The following GFM1 variants were observed in gnomAD, a reference collection of about 807,000 sequenced individuals.
GFM1 encodes the protein G elongation factor mitochondrial 1.
Under a neutral mutation model 96.2 loss-of-function variants are expected in GFM1, and 62 were observed. The observed-to-expected ratio is 0.64, with a 90% CI of 0.53 to 0.80. The LOEUF (loss-of-function observed/expected upper bound fraction) is 0.80, where lower values mean the gene tolerates loss of function less well. Ranked by LOEUF, GFM1 falls within the 30% of genes least tolerant of loss-of-function variation. GFM1 has a pLI of 0.00. For synonymous variants in GFM1, 282 were observed against 312.9 expected, an observed-to-expected ratio of 0.90 and a Z score of 1.04; for missense variants, 852 against 916.6, an observed-to-expected ratio of 0.93 and a Z score of 0.91.
Position 158,645,715 on chromosome 3 carries a change from T to C in GFM1, c.168T>C (p.Asp56=), listed in dbSNP as rs768555221. Residue 56 remains aspartate (D), a synonymous_variant, in exon 2 of 18, where the codon GAT becomes GAC. Transcript: ENST00000486715. ...IRNIGISAHI[D]SGKTTLTERV... is the part of the protein sequence containing the mutation. Reference sequence around the variant, plus strand: ...ATATTGGAATCTCAGCTCACATTGATTCTGGGAAAACTACATTAACAGAAC... The same window carrying C: ...ATATTGGAATCTCAGCTCACATTGACTCTGGGAAAACTACATTAACAGAAC... The C allele has an allele frequency of 6.8e-6, 11 of 1,612,318 alleles. No homozygotes were observed. Among genetic ancestry groups the C allele is most frequent in the East Asian group, 2.2e-5 (1 of 44,886 alleles).
intron 13 of GFM1, chr3:158,667,018 T>C (rs1723760524): frequency 6.3e-7 from 1 of 1,596,748 alleles, no homozygotes; most frequent in Non-Finnish European, 8.5e-7. Flanking sequence ...TTACCTGAGA[T>C]GCTATATTAT....
intron 8 of GFM1, among the ~76,000 whole-genome samples, chr3:158,655,138 C>T (rs952467587): frequency 2.0e-5 from 3 of 152,048 alleles, no homozygotes; most frequent in Non-Finnish European, 4.4e-5. Context: ...CCTTATAAAA[C>T]CAAAATCTCG....
chr3:158,670,974 C>A, intron 13 of GFM1: 1 of 1,540,196 alleles, frequency 6.5e-7, no homozygotes, highest in Non-Finnish European at 8.7e-7. Context: ...ATAATTTCTT[C>A]AACAGCAAAT....
chr3:158,654,754 G>A (rs563390341), intron 8 of GFM1, 123 bp downstream of exon 8: 1 of 722,320 alleles, frequency 1.4e-6, no homozygotes, highest in East Asian at 2.6e-5. Flanking sequence ...AGTAGAAAGA[G>A]CAGGTAGAGA....
At chr3:158,649,969 A>C in intron 5 of GFM1, 5 of 1,503,276 alleles carry the variant, frequency 3.3e-6, no homozygotes, top group Non-Finnish European at 4.5e-6. Flanking sequence ...CTTTGTTCTG[A>C]GGAGTGACCT....
rs1332636394 is a variant in GFM1, at chr3:158,659,024, C to T, written c.1186C>T (p.Gln396Ter). 2 of 1,614,180 alleles carry T rather than the reference C, an allele frequency of 1.2e-6. No homozygotes were observed. Among genetic ancestry groups the T allele is most frequent in the Non-Finnish European group, 8.5e-7 (1 of 1,180,030 alleles). Residue 396 changes from glutamine to a stop codon, truncating the protein, a stop_gained, in exon 9 of 18, where the codon CAA becomes TAA. Coordinates refer to ENST00000486715, the MANE Select transcript of GFM1 (RefSeq NM_024996.7). LOFTEE classifies it high-confidence loss of function. The part of the protein sequence containing the change: ...NTRTRKKVRL[Q>*]RLARMHADMM... Reference sequence around the variant, plus strand: ...AAGGACAAGAAAGAAAGTACGGTTGCAACGGCTGGCTCGCATGCATGCCGA... The same window carrying T: ...AAGGACAAGAAAGAAAGTACGGTTGTAACGGCTGGCTCGCATGCATGCCGA...
chr3:158,650,795 G>A (rs550544771), intron 5 of GFM1: 1 of 152,186 alleles, frequency 6.6e-6, no homozygotes, highest in African/African-American at 2.4e-5. Flanking sequence ...GGCCGAGGTG[G>A]GCAGATCACG....
rs371710190 is a variant in GFM1 at position 158,672,733 on chromosome 3, C to T, written c.1601+6347C>T. The T allele has an allele frequency of 3.1e-5, 12 of 389,330 alleles. 1 individual carries two copies. The highest frequency in any genetic ancestry group is 2.1e-4 in the East Asian group (4 of 18,658). The allele number at this position is 389,330 out of a possible 1,614,324, so 24.1% of individuals were successfully genotyped here. On this transcript the variant is annotated intron_variant, in intron 13 of 17. Coordinates refer to ENST00000486715, the MANE Select transcript of GFM1 (RefSeq NM_024996.7). ...CTACTGCCTGCAGCGGGCTTCCTTA[C>T]TCCGCCTGCTGGTTCCTACTGGAGG... is the stretch of plus-strand genomic sequence containing the variant.
rs537062213 is a variant in GFM1 at position 158,688,849 on chromosome 3, G to T, written c.1910-1314G>T. 2.0e-5 allele frequency among the ~76,000 whole-genome samples: 3 copies of T among 152,230 alleles called. No individual in the cohort carries two copies. In the East Asian group the frequency reaches 5.8e-4, roughly 29 times the overall value. On this transcript the variant is annotated intron_variant, in intron 15 of 17. Coordinates refer to ENST00000486715, the MANE Select transcript of GFM1 (RefSeq NM_024996.7). Reference sequence around the variant, plus strand: ...GGAGGGTAGGTGTGAGCTAGGATATGATTTAAATTTAAAATATTTCTAATT... The same window carrying T: ...GGAGGGTAGGTGTGAGCTAGGATATTATTTAAATTTAAAATATTTCTAATT...
At chr3:158,687,929 C>CT (rs910108028) in intron 15 of GFM1, among the ~76,000 whole-genome samples, 11 of 151,120 alleles carry the variant, frequency 7.3e-5, no homozygotes, top group Middle Eastern at 3.4e-3. Context: ...AGAAAATCAA[C>CT]TTTTTTTTTA....
intron 13 of GFM1, among the ~76,000 whole-genome samples, chr3:158,667,756 C>G (rs1723853803): frequency 6.6e-6 from 1 of 152,178 alleles, no homozygotes. Context: ...CTAATGCACT[C>G]CAGCCTGGGC....
intron 16 of GFM1, among the ~76,000 whole-genome samples, chr3:158,690,744 T>C (rs1311159197): frequency 6.6e-6 from 1 of 152,240 alleles, no homozygotes; most frequent in Non-Finnish European, 1.5e-5. Context: ...TTTATTACAT[T>C]TCATAAGGCC....
chr3:158,678,149 C>T (rs549010674), intron 13 of GFM1, among the ~76,000 whole-genome samples: 2 of 152,270 alleles, frequency 1.3e-5, no homozygotes, highest in African/African-American at 4.8e-5. Flanking sequence ...AAGATTACTG[C>T]TCATTGACAA....
At chr3:158,656,063 C>T in intron 8 of GFM1, 1 of 371,782 alleles carries the variant, frequency 2.7e-6, no homozygotes, top group Non-Finnish European at 5.3e-6. Context: ...TTTAGGAGGA[C>T]TGCCATCGAG....
Position 158,684,592 on chromosome 3 carries a change from G to C in GFM1, c.1833G>C (p.Leu611=). The C allele has an allele frequency of 6.2e-7, 1 of 1,614,064 alleles. No individual in the cohort carries two copies. The highest frequency in any genetic ancestry group is 8.5e-7 in the Non-Finnish European group (1 of 1,179,960). The change falls in exon 15 of 18, where the codon CTG becomes CTC. Residue 611 remains leucine (L), a synonymous_variant. Transcript: ENST00000486715. Reference sequence around the variant, plus strand: ...AGCTCTCTGGGCTCCGGTTTGTCCTGCAAGATGGAGCACACCACATGGTTG... The same window carrying C: ...AGCTCTCTGGGCTCCGGTTTGTCCTCCAAGATGGAGCACACCACATGGTTG... ...GHKLSGLRFV[L]QDGAHHMVDS...
intron 7 of GFM1, among the ~76,000 whole-genome samples, chr3:158,653,938 G>A (rs1203864250): frequency 6.6e-6 from 1 of 151,984 alleles, no homozygotes; most frequent in African/African-American, 2.4e-5. Context: ...GGGTGTGGTG[G>A]TGTGCACCTA....
At chr3:158,661,868 T>C (rs1723223154) in intron 10 of GFM1, among the ~76,000 whole-genome samples, 1 of 152,204 alleles carries the variant, frequency 6.6e-6, no homozygotes, top group Non-Finnish European at 1.5e-5. Flanking sequence ...TAGTATCCTC[T>C]AATGTGTATA....
At chr3:158,668,395 A>G (rs1486650578) in intron 13 of GFM1, among the ~76,000 whole-genome samples, 2 of 152,064 alleles carry the variant, frequency 1.3e-5, no homozygotes, top group African/African-American at 4.8e-5. Flanking sequence ...TCCCCCAAAT[A>G]TTTTTGATTC....
At chr3:158,658,633 T>TA in intron 8 of GFM1, among the ~76,000 whole-genome samples, 1 of 152,216 alleles carries the variant, frequency 6.6e-6, no homozygotes, top group East Asian at 1.9e-4. Context: ...AGGCAAAAGA[T>TA]ACTTCCTTAT....
Sources: gnomAD v4.1 joint callset for allele counts (sites outside exome capture counted in the v4.1 genomes callset) on GRCh38, gnomAD v4.1.1 for gene constraint, MANE v1.5 for transcripts, NCBI Gene and HGNC (gene_info 2026-07-23, HGNC 2026-07-21) for gene names.